The following GLIS1 variants were observed in gnomAD, a reference collection of about 807,000 sequenced individuals.
GLIS1 encodes the protein GLIS family zinc finger 1.
GLIS1 carries 24 observed loss-of-function variants against 63.8 expected under a neutral mutation model. That is an observed-to-expected ratio of 0.38 (90% CI 0.27 to 0.53). The LOEUF is 0.53. Ranked by LOEUF, GLIS1 falls within the 20% of genes least tolerant of loss-of-function variation. The probability of loss-of-function intolerance (pLI) is 0.85; values close to 1 mark genes in which losing one functional copy is unlikely to be tolerated. For synonymous variants in GLIS1, 450 were observed against 482.5 expected (o/e 0.93, Z 0.88); for missense variants, 1,036 against 1,074.1 (o/e 0.96, Z 0.50).
chr1:53,717,312 T>A (rs961387073), intron 2 of GLIS1, among the ~76,000 whole-genome samples: 1 of 152,188 alleles, frequency 6.6e-6, no homozygotes, highest in African/African-American at 2.4e-5. Flanking sequence ...TGGCACATGG[T>A]AAACATTTAA....
In GLIS1 at chr1:53,702,015, A is replaced by AAAAAAAAG. The variant is rs1553139190; in HGVS notation, c.259+35783_259+35790dup. Among the ~76,000 whole-genome samples, 1,122 of 146,108 alleles carry AAAAAAAAG rather than the reference A, an allele frequency of 7.7e-3. 3 individuals are homozygous for AAAAAAAAG. Among genetic ancestry groups the AAAAAAAAG allele is most frequent in the Middle Eastern group, 0.017 (5 of 286 alleles). On this transcript the variant is annotated intron_variant, in intron 2 of 10. Coordinates refer to ENST00000628545, the MANE Select transcript of GLIS1 (RefSeq NM_001367484.1). The stretch of plus-strand genomic sequence containing the variant: ...CTAAAAAAGAAAAAAAAAAAAAAAA[A>AAAAAAAAG]AAAAAAAGAAAGTCCAGCTTCCTCC...
At chr1:53,671,043 A>G (rs1646145738) in intron 2 of GLIS1, among the ~76,000 whole-genome samples, 1 of 152,246 alleles carries the variant, frequency 6.6e-6, no homozygotes, top group African/African-American at 2.4e-5. Context: ...CATCCATGCC[A>G]TGATTCAAAC....
In GLIS1 at chr1:53,520,716, G is replaced by C. The variant is rs1424359328; in HGVS notation, c.1644C>G (p.Val548=). 1 of 1,606,832 alleles carries C rather than the reference G, an allele frequency of 6.2e-7. No homozygotes were observed. The highest frequency in any genetic ancestry group is 1.1e-5 in the South Asian group (1 of 89,412). ...TEADVLTECL[V]LQQLHTSTQL... is the part of the protein sequence containing the mutation. ...GTGTGGACGTGTGGAGCTGCTGCAGGACCAGACACTCGGTCAGGACGTCGG... is the reference window on the plus strand; with the variant it reads ...GTGTGGACGTGTGGAGCTGCTGCAGCACCAGACACTCGGTCAGGACGTCGG... The change falls in exon 7 of 11, where the codon GTC becomes GTG. Residue 548 remains valine, a synonymous_variant. Transcript: ENST00000628545.
chr1:53,663,926 C>T (rs1050248148), intron 2 of GLIS1, among the ~76,000 whole-genome samples: 21 of 148,002 alleles, frequency 1.4e-4, no homozygotes, highest in Non-Finnish European at 2.6e-4. Context: ...TCGAGGGAAC[C>T]GGGAAAGACT....
At chr1:53,703,010 G>A (rs533228562) in intron 2 of GLIS1, among the ~76,000 whole-genome samples, 76 of 152,332 alleles carry the variant, frequency 5.0e-4, no homozygotes, top group African/African-American at 1.8e-3. Context: ...AAGTCGGCCA[G>A]ACCCAGGCTC....
chr1:53,562,289 C>T (rs1174651258), intron 4 of GLIS1, among the ~76,000 whole-genome samples: 2 of 152,166 alleles, frequency 1.3e-5, no homozygotes, highest in Non-Finnish European at 2.9e-5. Flanking sequence ...AGGTAAGAGT[C>T]AGCGCCTGCT....
In GLIS1 at chr1:53,560,504, C is replaced by A. The variant is rs1303002316; in HGVS notation, c.1321-30552G>T. On this transcript the variant is annotated intron_variant, in intron 4 of 10. Coordinates refer to ENST00000628545, the MANE Select transcript of GLIS1 (RefSeq NM_001367484.1). This position sits in a 1 kb window ranked among gnomAD's most constrained non-coding sequence, Gnocchi z 4.4. ...GCAAATATCTGTTTCCCCCTGGTGC[C>A]CACCAGTTAACCCTTCGTACCTTCC... Among the ~76,000 whole-genome samples, 1 of 152,210 alleles carries A rather than the reference C, an allele frequency of 6.6e-6. No homozygotes were observed. Among genetic ancestry groups the A allele is most frequent in the Non-Finnish European group, 1.5e-5 (1 of 68,038 alleles).
intron 2 of GLIS1, among the ~76,000 whole-genome samples, chr1:53,679,883 G>A (rs939274078): frequency 1.3e-5 from 2 of 152,192 alleles, no homozygotes; most frequent in Non-Finnish European, 2.9e-5. Context: ...ACTTAGAGCT[G>A]AAAACCAACA....
chr1:53,711,620 C>T (rs1646647863), intron 2 of GLIS1, among the ~76,000 whole-genome samples: 1 of 152,178 alleles, frequency 6.6e-6, no homozygotes, highest in African/African-American at 2.4e-5. Context: ...AGTGACTTCA[C>T]CTCTCAGAGC....
At chr1:53,573,627 A>G (rs1381768880) in intron 4 of GLIS1, among the ~76,000 whole-genome samples, 1 of 152,218 alleles carries the variant, frequency 6.6e-6, no homozygotes, top group African/African-American at 2.4e-5. Flanking sequence ...TCAACCATAC[A>G]AATGTGCCAC....
Position 53,548,757 on chromosome 1 carries a change from TA to T in GLIS1, c.1321-18806del, listed in dbSNP as rs544069570. ...TCCATGAACCTTCAATAAAGTCAGT[TA>T]TTTTTTTATAGCTCTGTTGAAAGGT... On this transcript the variant is annotated intron_variant, in intron 4 of 10. Transcript: ENST00000628545. Among the ~76,000 whole-genome samples, 71 of 152,380 alleles carry T rather than the reference TA, an allele frequency of 4.7e-4. 2 individuals are homozygous for T. In the South Asian group the frequency reaches 0.014, roughly 31 times the overall value.
At chr1:53,694,005 C>T (rs1000464903) in intron 2 of GLIS1, among the ~76,000 whole-genome samples, 22 of 152,046 alleles carry the variant, frequency 1.4e-4, no homozygotes, top group Non-Finnish European at 2.4e-4. Flanking sequence ...ACTGGGCTCA[C>T]GAAGAGGAGG....
intron 2 of GLIS1, among the ~76,000 whole-genome samples, chr1:53,677,177 T>C (rs777458655): frequency 2.0e-5 from 3 of 152,220 alleles, no homozygotes; most frequent in Non-Finnish European, 2.9e-5. Flanking sequence ...GGAGCTAGTG[T>C]TTCCATCAAC....
intron 4 of GLIS1, among the ~76,000 whole-genome samples, chr1:53,538,697 G>T (rs551231241): frequency 1.3e-5 from 2 of 152,298 alleles, no homozygotes; most frequent in African/African-American, 4.8e-5. Flanking sequence ...GGGAGCCCAT[G>T]CGGGTGGGCC....
At chr1:53,687,489 T>C (rs1391566027) in intron 2 of GLIS1, among the ~76,000 whole-genome samples, 3 of 152,102 alleles carry the variant, frequency 2.0e-5, no homozygotes, top group Admixed American at 1.3e-4. Flanking sequence ...GCCCCCACAA[T>C]AACTCCTCAT....
At chr1:53,607,451 C>G (rs1412320891) in intron 2 of GLIS1, among the ~76,000 whole-genome samples, 2 of 152,166 alleles carry the variant, frequency 1.3e-5, no homozygotes, top group Non-Finnish European at 2.9e-5. Context: ...TTCTGATACT[C>G]TGCTTTTTTC....
chr1:53,594,305 C>A lies in GLIS1; in HGVS notation c.1123G>T (p.Val375Leu), dbSNP rs1645225386. The A allele has an allele frequency of 2.5e-6, 4 of 1,612,516 alleles. No individual in the cohort carries two copies. The highest frequency in any genetic ancestry group is 3.4e-6 in the Non-Finnish European group (4 of 1,179,822). The change falls in exon 4 of 11, where the codon GTG (valine) becomes TTG (leucine). Residue 375 changes from valine (V) to leucine (L), a missense_variant. By Grantham distance (32) the Val-to-Leu change is conservative. Coordinates refer to ENST00000628545, the MANE Select transcript of GLIS1 (RefSeq NM_001367484.1). ...VVAGRQACRW[V>L]DCCAAYEQQE... Reference sequence around the variant, plus strand: ...TGCTCATAGGCTGCACAGCAGTCCACCCAGCGGCACGCCTGCCGCCCGGCC... The same window carrying A: ...TGCTCATAGGCTGCACAGCAGTCCAACCAGCGGCACGCCTGCCGCCCGGCC...
At chr1:53,698,653 G>A (rs568530923) in intron 2 of GLIS1, among the ~76,000 whole-genome samples, 3 of 152,324 alleles carry the variant, frequency 2.0e-5, no homozygotes, top group South Asian at 2.1e-4. Flanking sequence ...CGGGTAGACC[G>A]AGGCTGCTGC....
chr1:53,530,033 C>T, intron 4 of GLIS1, 81 bp from the exon 5 acceptor site: 1 of 1,355,786 alleles, frequency 7.4e-7, no homozygotes, highest in South Asian at 1.4e-5. Flanking sequence ...CCAGGCCTGC[C>T]TGGCCCCAGC....
Sources: allele counts gnomAD v4.1 joint callset (sites outside exome capture counted in the v4.1 genomes callset), GRCh38; gene constraint gnomAD v4.1.1; non-coding constraint Gnocchi (gnomAD v3.1); transcripts MANE v1.5; gene names NCBI Gene and HGNC (gene_info 2026-07-23, HGNC 2026-07-21).